TMEM108: variants seen among roughly 807,000 people sequenced by gnomAD.
TMEM108 encodes cancer/testis antigen 124.
Under a neutral mutation model 35.1 loss-of-function variants are expected in TMEM108, and 12 were observed. The ratio of observed to expected loss-of-function variants is 0.34; its 90% CI spans 0.22 to 0.55. The LOEUF (loss-of-function observed/expected upper bound fraction) is 0.55, where lower values mean the gene tolerates loss of function less well. Ranked by LOEUF, TMEM108 falls within the 20% of genes least tolerant of loss-of-function variation. The pLI, the probability that TMEM108 is intolerant of heterozygous loss-of-function variation, is 0.89. For missense variants in TMEM108, 680 were observed against 753.3 expected, an observed-to-expected ratio of 0.90 and a Z score of 1.14; for synonymous variants, 287 against 308.6, an observed-to-expected ratio of 0.93 and a Z score of 0.73.
intron 2 of TMEM108, among the ~76,000 whole-genome samples, chr3:133,189,873 A>C (rs1945473991): frequency 1.3e-5 from 2 of 152,196 alleles, no homozygotes; most frequent in Admixed American, 1.3e-4. Context: ...TGTATATATA[A>C]ATTTTCATCA....
In TMEM108 at chr3:133,240,244, T is replaced by C. The variant is rs537095841; in HGVS notation, c.40+10893T>C. Among the ~76,000 whole-genome samples, 9 of 152,288 alleles carry C rather than the reference T, an allele frequency of 5.9e-5. No individual in the cohort carries two copies. In the South Asian group the frequency reaches 1.7e-3, roughly 28 times the overall value. On this transcript the variant is annotated intron_variant, in intron 3 of 5. Transcript: ENST00000321871. ...ACTTCTGAGGGGTAAGTCATTCACA[T>C]AGAAAATTTGAGGAAGTGACTCTTT...
intron 3 of TMEM108, among the ~76,000 whole-genome samples, chr3:133,286,438 A>ACCC (rs1705387630): frequency 6.6e-6 from 1 of 151,894 alleles, no homozygotes; most frequent in South Asian, 2.1e-4. Flanking sequence ...GGCCCAAGGG[A>ACCC]CCCTCCCACC....
At chr3:133,326,553 C>T (rs2071335843) in intron 3 of TMEM108, among the ~76,000 whole-genome samples, 1 of 152,124 alleles carries the variant, frequency 6.6e-6, no homozygotes, top group South Asian at 2.1e-4. Flanking sequence ...AAGGATTCTT[C>T]CCGAGAATCT....
At chr3:133,234,204 A>G (rs951510222) in intron 3 of TMEM108, among the ~76,000 whole-genome samples, 5 of 151,934 alleles carry the variant, frequency 3.3e-5, no homozygotes, top group Non-Finnish European at 5.9e-5. Context: ...ATCCATCTTG[A>G]ATTAATTTTT....
intron 2 of TMEM108, among the ~76,000 whole-genome samples, chr3:133,121,871 T>C (rs1944356938): frequency 1.3e-5 from 2 of 152,290 alleles, no homozygotes; most frequent in East Asian, 1.9e-4. Flanking sequence ...CAATGCTCTA[T>C]TTTTTTAACG....
chr3:133,266,298 T>C (rs1017360510), intron 3 of TMEM108, among the ~76,000 whole-genome samples: 3 of 152,228 alleles, frequency 2.0e-5, no homozygotes, highest in African/African-American at 7.2e-5. Flanking sequence ...ATATCAATAT[T>C]GGTATGAAAA....
chr3:133,176,449 G>T (rs138061207), intron 2 of TMEM108, among the ~76,000 whole-genome samples: 2,608 of 152,206 alleles, frequency 0.017, 98 homozygotes, highest in African/African-American at 0.059. Context: ...AAATGTAAAA[G>T]AACAGAAATT....
At chr3:133,383,757 G>A (rs969153795) in intron 4 of TMEM108, among the ~76,000 whole-genome samples, 2 of 152,176 alleles carry the variant, frequency 1.3e-5, no homozygotes, top group South Asian at 4.1e-4. Context: ...TTCAGGTGCT[G>A]GAGATGGAAC....
intron 3 of TMEM108, among the ~76,000 whole-genome samples, chr3:133,336,381 C>T (rs1222638010): frequency 6.6e-6 from 1 of 152,070 alleles, no homozygotes; most frequent in Non-Finnish European, 1.5e-5. Context: ...CTTTGTTTTG[C>T]CTCTTGGATA....
At chr3:133,109,114 G>T (rs1026182803) in intron 2 of TMEM108, among the ~76,000 whole-genome samples, 1 of 152,044 alleles carries the variant, frequency 6.6e-6, no homozygotes, top group Admixed American at 6.6e-5. Context: ...AGAATGATAC[G>T]GTGGAAAGAA....
intron 2 of TMEM108, among the ~76,000 whole-genome samples, chr3:133,163,226 C>T (rs915934442): frequency 5.9e-5 from 9 of 152,122 alleles, no homozygotes; most frequent in Non-Finnish European, 1.3e-4. Flanking sequence ...AGATGGGCTA[C>T]GGGCTTCTTG....
intron 2 of TMEM108, among the ~76,000 whole-genome samples, chr3:133,164,079 C>T (rs1175575798): frequency 6.6e-6 from 1 of 152,168 alleles, no homozygotes; most frequent in Admixed American, 6.5e-5. Context: ...ATATTGTTTT[C>T]TCTTTGTAAG....
chr3:133,174,471 A>T (rs1945180633), intron 2 of TMEM108, among the ~76,000 whole-genome samples: 1 of 152,184 alleles, frequency 6.6e-6, no homozygotes, highest in Non-Finnish European at 1.5e-5. Flanking sequence ...TACTCCTCTG[A>T]GACAAAACTT....
intron 2 of TMEM108, among the ~76,000 whole-genome samples, chr3:133,205,238 A>G (rs1945735151): frequency 6.6e-6 from 1 of 151,406 alleles, no homozygotes; most frequent in South Asian, 2.1e-4. Context: ...ACAGCACACC[A>G]GTGGTCTTGA....
At chr3:133,372,879 A>T (rs2072716702) in intron 3 of TMEM108, among the ~76,000 whole-genome samples, 1 of 152,246 alleles carries the variant, frequency 6.6e-6, no homozygotes, top group Non-Finnish European at 1.5e-5. Flanking sequence ...TTTCATAAAG[A>T]AGTGAAGTCA....
At chr3:133,348,966 G>C in intron 3 of TMEM108, among the ~76,000 whole-genome samples, 1 of 152,092 alleles carries the variant, frequency 6.6e-6, no homozygotes, top group East Asian at 1.9e-4. Flanking sequence ...CAAACTATTG[G>C]GGGAAAATAT....
At chr3:133,157,831 G>GGT (rs1576350761) in intron 2 of TMEM108, among the ~76,000 whole-genome samples, 1 of 152,090 alleles carries the variant, frequency 6.6e-6, no homozygotes, top group East Asian at 1.9e-4. Flanking sequence ...GCTCTCTCAG[G>GGT]GTGTGTGTAA....
chr3:133,226,199 A>T (rs1946068873), intron 2 of TMEM108, among the ~76,000 whole-genome samples: 1 of 152,218 alleles, frequency 6.6e-6, no homozygotes, highest in Admixed American at 6.5e-5. Context: ...GGAAACCAAG[A>T]TTCTCATTAT....
intron 4 of TMEM108, among the ~76,000 whole-genome samples, chr3:133,386,140 C>A (rs2073143169): frequency 6.6e-6 from 1 of 152,220 alleles, no homozygotes; most frequent in South Asian, 2.1e-4. Context: ...TGCACTAGTA[C>A]CCCTGTCATG....
Sources: allele counts gnomAD v4.1 joint callset (sites outside exome capture counted in the v4.1 genomes callset), GRCh38; gene constraint gnomAD v4.1.1; transcripts MANE v1.5; gene names NCBI Gene and HGNC (gene_info 2026-07-23, HGNC 2026-07-21).